Variants in PHIP observed in about 807,000 individuals in gnomAD.
The protein encoded by PHIP is PH-interacting protein.
PHIP carries 54 observed loss-of-function variants against 236.8 expected under a neutral mutation model. That is an observed-to-expected ratio of 0.23 (90% CI 0.18 to 0.29). The LOEUF (loss-of-function observed/expected upper bound fraction) is 0.29. Among genes scored for constraint, PHIP ranks in the 10% least tolerant of loss-of-function variants. PHIP has a pLI of 1.00. For missense variants in PHIP, 1,370 were observed against 2,190.8 expected, an observed-to-expected ratio of 0.63 and a Z score of 7.48; for synonymous variants, 756 against 718.9, an observed-to-expected ratio of 1.05 and a Z score of -0.83.
At chr6:79,045,106 T>C (rs1772411749) in intron 6 of PHIP, among the ~76,000 whole-genome samples, 1 of 152,200 alleles carries the variant, frequency 6.6e-6, no homozygotes, top group Admixed American at 6.6e-5. Context: ...AACTATTGGC[T>C]ATCTATACTA....
intron 7 of PHIP, among the ~76,000 whole-genome samples, chr6:79,041,913 T>G (rs900261832): frequency 1.3e-5 from 2 of 152,032 alleles, no homozygotes; most frequent in Admixed American, 6.6e-5. Flanking sequence ...GGAGAAGTAG[T>G]AGGTATAAAT....
At chr6:79,061,317 G>C (rs893116364) in intron 4 of PHIP, among the ~76,000 whole-genome samples, 1 of 152,096 alleles carries the variant, frequency 6.6e-6, no homozygotes, top group Non-Finnish European at 1.5e-5. Context: ...AATTTCCACA[G>C]TAGTATCTAG....
At position 78,988,324 on chromosome 6, in the gene PHIP, T is replaced by C; in HGVS notation, c.2345A>G (p.Asp782Gly). 1 of 1,604,376 alleles carries C rather than the reference T, an allele frequency of 6.2e-7. No individual in the cohort carries two copies. Among genetic ancestry groups the C allele is most frequent in the Non-Finnish European group, 8.5e-7 (1 of 1,173,726 alleles). The change falls in exon 21 of 40, where the codon GAT becomes GGT. Residue 782 changes from aspartate (D) to glycine (G), a missense_variant. Coordinates refer to ENST00000275034, the MANE Select transcript of PHIP (RefSeq NM_017934.7). ...SKNHAHEHFL[D>G]LGESKKQQTN... ...CTGTTGCTTTTTGGATTCTCCAAGATCCAGGAAATGCTCATGAGCATGATT... is the reference window on the plus strand; with the variant it reads ...CTGTTGCTTTTTGGATTCTCCAAGACCCAGGAAATGCTCATGAGCATGATT...
At chr6:79,062,871 C>A (rs548286275) in intron 4 of PHIP, among the ~76,000 whole-genome samples, 1 of 152,292 alleles carries the variant, frequency 6.6e-6, no homozygotes, top group East Asian at 1.9e-4. Context: ...TCCTTCATGT[C>A]TCAGTCTATG....
chr6:79,026,089 C>G lies in PHIP; in HGVS notation c.676G>C (p.Ala226Pro). 6.2e-7 allele frequency: 1 copy of G among 1,614,012 alleles called. No homozygotes were observed. The highest frequency in any genetic ancestry group is 8.5e-7 in the Non-Finnish European group (1 of 1,179,894). Residue 226 changes from alanine to proline, a missense_variant, in exon 8 of 40, where the codon GCT (alanine) becomes CCT (proline). By Grantham distance (27) the Ala-to-Pro change is conservative. Coordinates refer to ENST00000275034, the MANE Select transcript of PHIP (RefSeq NM_017934.7). ...RLLATLRGHA[A>P]EISDMAVNYE... ...TTTACAGCCATGTCTGATATTTCAGCAGCATGTCCTCTTAAGGTAGCTAAC... is the reference window on the plus strand; with the variant it reads ...TTTACAGCCATGTCTGATATTTCAGGAGCATGTCCTCTTAAGGTAGCTAAC...
At chr6:78,945,666 ACT>A in intron 38 of PHIP, 169 bp from the exon 39 acceptor site, 1 of 631,498 alleles carries the variant, frequency 1.6e-6, no homozygotes, top group Non-Finnish European at 2.8e-6. Flanking sequence ...CCAACTAGAA[ACT>A]CTTAATAGTT....
At chr6:79,036,703 T>C (rs567726378) in intron 7 of PHIP, among the ~76,000 whole-genome samples, 7 of 151,792 alleles carry the variant, frequency 4.6e-5, no homozygotes, top group Admixed American at 6.6e-5. Flanking sequence ...GGGTAGATCA[T>C]GAGGTCAGGA....
intron 15 of PHIP, among the ~76,000 whole-genome samples, chr6:79,009,426 C>T (rs1770461491): frequency 2.0e-5 from 3 of 152,026 alleles, no homozygotes; most frequent in South Asian, 2.1e-4. Flanking sequence ...CGTCTCCAAT[C>T]GTCCACCCTG....
chr6:79,043,123 G>T, intron 6 of PHIP, 120 bp from the exon 7 acceptor site: 1 of 738,556 alleles, frequency 1.4e-6, no homozygotes, highest in Non-Finnish European at 2.3e-6. Context: ...GAAGCTTTCT[G>T]ATATATATGG....
chr6:79,004,851 G>A (rs1004830215), intron 15 of PHIP, among the ~76,000 whole-genome samples: 2 of 152,094 alleles, frequency 1.3e-5, no homozygotes, highest in Non-Finnish European at 2.9e-5. Context: ...TGGATGTACA[G>A]TTCACCAAAT....
intron 31 of PHIP, among the ~76,000 whole-genome samples, chr6:78,960,529 T>C (rs531317004): frequency 1.4e-4 from 22 of 151,888 alleles, no homozygotes; most frequent in African/African-American, 5.1e-4. Flanking sequence ...GGTGGGATGG[T>C]TGGGAACCAC....
chr6:78,971,754 A>G (rs1265624115), intron 24 of PHIP, among the ~76,000 whole-genome samples: 1 of 152,156 alleles, frequency 6.6e-6, no homozygotes, highest in African/African-American at 2.4e-5. Context: ...TCCTAATCAA[A>G]GAAAGGGGTG....
chr6:78,937,944 A>G lies in PHIP; in HGVS notation c.*2749T>C, dbSNP rs1236366112. 1.3e-5 allele frequency: 2 copies of G among 151,624 alleles called. No homozygotes were observed. Among genetic ancestry groups the G allele is most frequent in the Admixed American group, 1.3e-4 (2 of 15,214 alleles). 9.4% of individuals were successfully genotyped at this position (151,624 alleles called of 1,614,324 possible). A position where few individuals can be genotyped will look rare whatever the true frequency, so the allele number is the denominator to read the frequency against. ...ATGCATGTAAGAGTTATATTTCTGA[A>G]CTTTCAGTAAATTGGAGATGTTTTT... On this transcript the variant is annotated 3_prime_UTR_variant, in exon 40 of 40. Coordinates refer to ENST00000275034, the MANE Select transcript of PHIP (RefSeq NM_017934.7).
At chr6:79,049,109 G>A (rs968251677) in intron 6 of PHIP, among the ~76,000 whole-genome samples, 3 of 149,932 alleles carry the variant, frequency 2.0e-5, no homozygotes, top group Admixed American at 6.7e-5. Context: ...TCACTCTGTC[G>A]TACAGGCTGG....
chr6:79,075,889 TC>T (rs1774133843), intron 4 of PHIP, among the ~76,000 whole-genome samples: 1 of 152,144 alleles, frequency 6.6e-6, no homozygotes, highest in African/African-American at 2.4e-5. Flanking sequence ...GATAATTTTT[TC>T]AAATATCAAG....
At chr6:78,994,938 A>G (rs1027915943) in intron 19 of PHIP, among the ~76,000 whole-genome samples, 3 of 152,244 alleles carry the variant, frequency 2.0e-5, no homozygotes, top group Admixed American at 1.3e-4. Flanking sequence ...AGATTATAGA[A>G]TAGTATAACC....
At position 79,042,870 on chromosome 6, in the gene PHIP, A is replaced by G; in HGVS notation, c.573T>C (p.Phe191=). The G allele has an allele frequency of 6.2e-7, 1 of 1,603,272 alleles. No individual in the cohort carries two copies. The highest frequency in any genetic ancestry group is 1.1e-5 in the South Asian group (1 of 88,348). ...TAAATATCCGTCTGCCAGTTCGATC[A>G]AAAGTTACACAGTACACAGATGACA... is the stretch of plus-strand genomic sequence containing the variant. ...GHLSSVYCVT[F]DRTGRRIFTG... is the part of the protein sequence containing the mutation. Residue 191 remains phenylalanine (F), a synonymous_variant, in exon 7 of 40, where the codon TTT becomes TTC. Transcript: ENST00000275034.
intron 6 of PHIP, among the ~76,000 whole-genome samples, chr6:79,060,209 T>C (rs1374452330): frequency 6.6e-6 from 1 of 152,150 alleles, no homozygotes; most frequent in Non-Finnish European, 1.5e-5. Flanking sequence ...CTCGACCTAA[T>C]AATATATACC....
rs997082296 is a variant in PHIP at position 79,010,097 on chromosome 6, G to T, written c.1524+4985C>A. Among the ~76,000 whole-genome samples, 10 of 151,162 alleles carry T rather than the reference G, an allele frequency of 6.6e-5. No homozygotes were observed. The South Asian group carries it at 1.9e-3, about 28-fold the overall frequency. ...AAGAAGGGAGGAAGGGAGGGAGGGA[G>T]AAAGGGAGGGTTGGGTGAGGGAGAA... On this transcript the variant is annotated intron_variant, in intron 15 of 39. Transcript: ENST00000275034.
Sources: gnomAD v4.1 joint callset for allele counts (sites outside exome capture counted in the v4.1 genomes callset) on GRCh38, gnomAD v4.1.1 for gene constraint, MANE v1.5 for transcripts, NCBI Gene and HGNC (gene_info 2026-07-23, HGNC 2026-07-21) for gene names.